The following SYN3 variants were observed in gnomAD, a reference collection of about 807,000 sequenced individuals.
SYN3 encodes the protein synapsin III.
SYN3 carries 35 observed loss-of-function variants against 65.8 expected under a neutral mutation model. That is an observed-to-expected ratio of 0.53 (90% CI 0.41 to 0.70). The LOEUF is 0.70. SYN3 is among the 30% of genes least tolerant of loss of function. The pLI is 0.00. For missense variants in SYN3, 680 were observed against 749.0 expected (o/e 0.91, Z 1.08); for synonymous variants, 270 against 292.9 (o/e 0.92, Z 0.80).
intron 13 of SYN3, among the ~76,000 whole-genome samples, chr22:32,516,671 C>A (rs1383147173): frequency 1.3e-5 from 2 of 152,164 alleles, no homozygotes; most frequent in African/African-American, 4.8e-5. Flanking sequence ...TGGCCTGATA[C>A]CTTTTAGATC....
At chr22:32,578,792 T>C (rs921429541) in intron 7 of SYN3, among the ~76,000 whole-genome samples, 10 of 152,212 alleles carry the variant, frequency 6.6e-5, no homozygotes, top group African/African-American at 2.4e-4. Context: ...GGAAAAGCAT[T>C]GTGTTAGGCC....
chr22:32,908,090 T>C (rs571072617), intron 4 of SYN3, among the ~76,000 whole-genome samples: 1 of 151,822 alleles, frequency 6.6e-6, no homozygotes, highest in East Asian at 1.9e-4. Flanking sequence ...ATACCTTTTT[T>C]CTTTTTTTTT....
At chr22:32,928,285 G>C (rs755939005) in intron 4 of SYN3, among the ~76,000 whole-genome samples, 3 of 151,802 alleles carry the variant, frequency 2.0e-5, no homozygotes, top group African/African-American at 7.3e-5. Flanking sequence ...AACCGAGATC[G>C]CACCACTGCA....
chr22:32,820,146 C>T (rs1015013282), intron 6 of SYN3, among the ~76,000 whole-genome samples: 1 of 152,070 alleles, frequency 6.6e-6, no homozygotes, highest in African/African-American at 2.4e-5. Flanking sequence ...TCATCCTATT[C>T]AGGCCGTCTC....
At chr22:32,684,565 T>G (rs753048078) in intron 6 of SYN3, among the ~76,000 whole-genome samples, 15 of 152,236 alleles carry the variant, frequency 9.9e-5, no homozygotes, top group African/African-American at 2.9e-4. Context: ...GCATTAACAC[T>G]AACTCTTTAC....
At chr22:32,937,049 CACATTCACAATGTAAAAGTAGTG>C (rs1263119460) in intron 3 of SYN3, among the ~76,000 whole-genome samples, 5 of 152,174 alleles carry the variant, frequency 3.3e-5, no homozygotes, top group Non-Finnish European at 7.3e-5. Flanking sequence ...CCCAACACAT[CACATTCACAATGTAAAAGTAGTG>C]ACATTCAATC....
At chr22:32,918,336 C>T (rs1467872243) in intron 4 of SYN3, among the ~76,000 whole-genome samples, 4 of 152,126 alleles carry the variant, frequency 2.6e-5, no homozygotes, top group Non-Finnish European at 4.4e-5. Flanking sequence ...AGCAGTAAGA[C>T]CAGAACACAT....
chr22:33,001,071 C>T (rs1443456640), intron 2 of SYN3, among the ~76,000 whole-genome samples: 2 of 152,168 alleles, frequency 1.3e-5, no homozygotes, highest in Non-Finnish European at 2.9e-5. Context: ...GGTAGGAAGT[C>T]TCTGTCACAA....
intron 13 of SYN3, 85 bp downstream of exon 13, chr22:32,517,958 C>G: frequency 7.3e-7 from 1 of 1,367,118 alleles, no homozygotes; most frequent in Non-Finnish European, 9.5e-7. Context: ...CTTCCTTTGT[C>G]TCCAAGTCCC....
At chr22:32,849,519 C>A in intron 6 of SYN3, 1 of 1,613,462 alleles carries the variant, frequency 6.2e-7, no homozygotes, top group South Asian at 1.1e-5. Flanking sequence ...TGGTCTACAC[C>A]ATCAAGCAGA....
chr22:32,899,405 T>C (rs989738458), intron 4 of SYN3, among the ~76,000 whole-genome samples: 1 of 152,200 alleles, frequency 6.6e-6, no homozygotes, highest in African/African-American at 2.4e-5. Context: ...GAAATCCTTT[T>C]GTAAGCAGGA....
intron 4 of SYN3, among the ~76,000 whole-genome samples, chr22:32,907,219 C>T (rs1181690721): frequency 6.6e-6 from 1 of 152,204 alleles, no homozygotes; most frequent in Non-Finnish European, 1.5e-5. Context: ...AATATCCTCA[C>T]AACATCCTTC....
intron 6 of SYN3, among the ~76,000 whole-genome samples, chr22:32,664,801 A>C (rs2060266847): frequency 6.6e-6 from 1 of 151,226 alleles, no homozygotes; most frequent in Non-Finnish European, 1.5e-5. Context: ...TGTGTTAGCC[A>C]GGATGGTCTC....
intron 7 of SYN3, among the ~76,000 whole-genome samples, chr22:32,584,372 G>A (rs910098274): frequency 2.6e-5 from 4 of 152,138 alleles, no homozygotes; most frequent in African/African-American, 9.7e-5. Flanking sequence ...AGGAGCTTTT[G>A]GTGATTGGAG....
intron 6 of SYN3, among the ~76,000 whole-genome samples, chr22:32,741,691 T>C (rs1177752293): frequency 2.0e-5 from 3 of 152,078 alleles, no homozygotes; most frequent in African/African-American, 4.8e-5. Context: ...ACCATACCAA[T>C]CTGTGCCTTT....
intron 6 of SYN3, among the ~76,000 whole-genome samples, chr22:32,711,946 TCA>T (rs2060972048): frequency 6.6e-6 from 1 of 152,210 alleles, no homozygotes; most frequent in Non-Finnish European, 1.5e-5. Flanking sequence ...TTTCTTAACC[TCA>T]GTTTGACAAC....
Position 33,022,933 on chromosome 22 carries a change from C to T in SYN3, c.-162-16109G>A, listed in dbSNP as rs531766917. 2.4e-4 allele frequency among the ~76,000 whole-genome samples: 37 copies of T among 152,246 alleles called. 1 individual carries two copies. The South Asian group carries it at 7.1e-3, about 29-fold the overall frequency. Reference sequence around the variant, plus strand: ...AAAAAATATTCACAGGATTTATTTACGAACAGAATTTATAGAGCCCTACAG... The same window carrying T: ...AAAAAATATTCACAGGATTTATTTATGAACAGAATTTATAGAGCCCTACAG... On this transcript the variant is annotated intron_variant, in intron 1 of 13. Transcript: ENST00000358763.
intron 4 of SYN3, among the ~76,000 whole-genome samples, chr22:32,929,009 G>A (rs1385725552): frequency 2.0e-5 from 3 of 152,206 alleles, no homozygotes; most frequent in South Asian, 2.1e-4. Context: ...TCGGCTGGTC[G>A]CGGTGGCTCA....
rs748745857 is a variant in SYN3, at chr22:33,006,426, C to T, written c.237G>A (p.Glu79=). ...CAATGGGCGTGGAGGGACCTGGAGGCTCCATCAGTCCTGAGGTGGCCTGAG... is the reference window on the plus strand; with the variant it reads ...CAATGGGCGTGGAGGGACCTGGAGGTTCCATCAGTCCTGAGGTGGCCTGAG... ...QAPQATSGLM[E]PPGPSTPIVQ... is the part of the protein sequence containing the mutation. The change falls in exon 2 of 14, where the codon GAG becomes GAA. Residue 79 remains glutamate, a synonymous_variant. Transcript: ENST00000358763. 1 of 1,614,152 alleles carries T rather than the reference C, an allele frequency of 6.2e-7. No homozygotes were observed. The highest frequency in any genetic ancestry group is 8.5e-7 in the Non-Finnish European group (1 of 1,180,024).
Sources: gnomAD v4.1 joint callset for allele counts (sites outside exome capture counted in the v4.1 genomes callset) on GRCh38, gnomAD v4.1.1 for gene constraint, MANE v1.5 for transcripts, NCBI Gene and HGNC (gene_info 2026-07-23, HGNC 2026-07-21) for gene names.